Variants in TMTC1 observed in about 807,000 individuals in gnomAD.
The protein encoded by TMTC1 is protein O-mannosyl-transferase TMTC1.
In TMTC1, 73 loss-of-function variants were observed where a neutral mutation model predicts 104.8. The ratio of observed to expected loss-of-function variants is 0.70; its 90% CI spans 0.58 to 0.85. The LOEUF (loss-of-function observed/expected upper bound fraction) is 0.85, where lower values mean the gene tolerates loss of function less well. TMTC1 is among the 40% of genes least tolerant of loss of function. The pLI is 0.00. For synonymous variants in TMTC1, 434 were observed against 428.7 expected (o/e 1.01, Z -0.15); for missense variants, 1,035 against 1,096.1 (o/e 0.94, Z 0.79).
chr12:29,712,119 T>C (rs1347006133), intron 5 of TMTC1, among the ~76,000 whole-genome samples: 1 of 150,548 alleles, frequency 6.6e-6, no homozygotes, highest in Non-Finnish European at 1.5e-5. Context: ...TAACGCAAAC[T>C]TCCCCTCAAC....
At chr12:29,727,316 G>C (rs1006406720) in intron 5 of TMTC1, among the ~76,000 whole-genome samples, 3 of 152,222 alleles carry the variant, frequency 2.0e-5, no homozygotes, top group Admixed American at 2.0e-4. Flanking sequence ...CTCACAGAGA[G>C]AAAGTGTGGG....
intron 9 of TMTC1, among the ~76,000 whole-genome samples, chr12:29,565,253 C>T (rs1945479299): frequency 6.6e-6 from 1 of 152,114 alleles, no homozygotes; most frequent in Admixed American, 6.6e-5. Context: ...TGGATGAGGC[C>T]TACCCACATT....
intron 1 of TMTC1, among the ~76,000 whole-genome samples, chr12:29,770,692 G>A (rs1196890884): frequency 6.6e-6 from 1 of 152,134 alleles, no homozygotes; most frequent in Non-Finnish European, 1.5e-5. Flanking sequence ...GTGAATCTAA[G>A]CTTTAAGAAA....
chr12:29,531,569 A>T (rs1215430847), intron 11 of TMTC1, among the ~76,000 whole-genome samples: 4 of 152,164 alleles, frequency 2.6e-5, no homozygotes, highest in Non-Finnish European at 5.9e-5. Flanking sequence ...TATATAATCC[A>T]TGCAAGAGTA....
intron 5 of TMTC1, among the ~76,000 whole-genome samples, chr12:29,723,872 A>AG (rs1942307210): frequency 6.6e-6 from 1 of 152,226 alleles, no homozygotes; most frequent in Admixed American, 6.5e-5. Flanking sequence ...ATGGATAACA[A>AG]GAAAGAAAAG....
intron 5 of TMTC1, among the ~76,000 whole-genome samples, chr12:29,710,513 G>GAT (rs1241245824): frequency 7.0e-5 from 10 of 143,116 alleles, no homozygotes; most frequent in South Asian, 4.4e-4. Context: ...TTTAAAGAAG[G>GAT]ATATATATAT....
chr12:29,675,826 T>C (rs1054625952), intron 5 of TMTC1, among the ~76,000 whole-genome samples: 15 of 152,150 alleles, frequency 9.9e-5, no homozygotes, highest in Admixed American at 1.3e-4. Flanking sequence ...GTATTCTTAA[T>C]AGCATTGTTC....
In TMTC1 at chr12:29,664,026, A is replaced by C. The variant is rs563372594; in HGVS notation, c.939-30690T>G. Among the ~76,000 whole-genome samples, 4 of 151,586 alleles carry C rather than the reference A, an allele frequency of 2.6e-5. No homozygotes were observed. The South Asian group carries it at 8.3e-4, about 31-fold the overall frequency. ...AACGGTGAAACCCCGTCTCTACTAA[A>C]AATACAAAAAATTAGCCGGGCGTAG... On this transcript the variant is annotated intron_variant, in intron 5 of 17. Transcript: ENST00000539277.
chr12:29,700,416 G>A (rs928635332), intron 5 of TMTC1, among the ~76,000 whole-genome samples: 1 of 151,508 alleles, frequency 6.6e-6, no homozygotes, highest in African/African-American at 2.4e-5. Flanking sequence ...TTGTCCAGGC[G>A]GGTCTCAAAC....
intron 9 of TMTC1, among the ~76,000 whole-genome samples, chr12:29,558,392 C>A (rs563407400): frequency 6.6e-6 from 1 of 152,242 alleles, no homozygotes; most frequent in South Asian, 2.1e-4. Context: ...AGAAGAGGTT[C>A]CTATTAAAAG....
chr12:29,522,222 A>G (rs1201153962), intron 11 of TMTC1, among the ~76,000 whole-genome samples: 1 of 152,154 alleles, frequency 6.6e-6, no homozygotes, highest in Admixed American at 6.5e-5. Flanking sequence ...GTGTTTAGAT[A>G]TTTACATTGA....
intron 6 of TMTC1, among the ~76,000 whole-genome samples, chr12:29,620,224 A>G (rs1947094844): frequency 6.6e-6 from 1 of 152,174 alleles, no homozygotes. Flanking sequence ...GCCCTGGTCC[A>G]ACCACAGTTG....
chr12:29,606,999 C>T (rs979629692), intron 6 of TMTC1, among the ~76,000 whole-genome samples: 2 of 151,930 alleles, frequency 1.3e-5, no homozygotes, highest in African/African-American at 2.4e-5. Flanking sequence ...CACGGACACC[C>T]GTAGTGAGCA....
intron 5 of TMTC1, among the ~76,000 whole-genome samples, chr12:29,710,331 T>A (rs1253980302): frequency 6.6e-6 from 1 of 151,984 alleles, no homozygotes; most frequent in Non-Finnish European, 1.5e-5. Context: ...TGCATGCCAA[T>A]TAGTCTGCAG....
intron 5 of TMTC1, chr12:29,641,094 C>G (rs1439311683): frequency 6.6e-6 from 1 of 152,284 alleles, no homozygotes; most frequent in Non-Finnish European, 1.5e-5. Flanking sequence ...AAGACCCGCC[C>G]AAGGAGGGTC....
intron 1 of TMTC1, among the ~76,000 whole-genome samples, chr12:29,780,884 T>G (rs537183588): frequency 1.6e-4 from 24 of 152,352 alleles, no homozygotes; most frequent in African/African-American, 5.8e-4. Context: ...TCAAAGTTTT[T>G]GCTCAAACAA....
intron 1 of TMTC1, among the ~76,000 whole-genome samples, chr12:29,780,563 G>A (rs1943811186): frequency 6.6e-6 from 1 of 152,064 alleles, no homozygotes; most frequent in African/African-American, 2.4e-5. Flanking sequence ...AGGATCCTTG[G>A]GATGGAATTG....
At position 29,650,230 on chromosome 12, in the gene TMTC1, G is replaced by A. The variant is rs531491863; in HGVS notation, c.939-16894C>T. ...CTCCCGAGTAGCTGGGATTATAGACGTGCACCATGATGCCTGGCTAATGTT... is the reference window on the plus strand; with the variant it reads ...CTCCCGAGTAGCTGGGATTATAGACATGCACCATGATGCCTGGCTAATGTT... On this transcript the variant is annotated intron_variant, in intron 5 of 17. Transcript: ENST00000539277. 3.3e-5 allele frequency among the ~76,000 whole-genome samples: 5 copies of A among 151,808 alleles called. No homozygotes were observed. In the South Asian group the frequency reaches 6.3e-4, roughly 19 times the overall value.
intron 6 of TMTC1, among the ~76,000 whole-genome samples, chr12:29,615,428 A>C (rs1364570751): frequency 6.6e-6 from 1 of 152,220 alleles, no homozygotes; most frequent in Non-Finnish European, 1.5e-5. Flanking sequence ...AAATCATGTT[A>C]AGCAGGTGAA....
Sources: gnomAD v4.1 joint callset for allele counts (sites outside exome capture counted in the v4.1 genomes callset) on GRCh38, gnomAD v4.1.1 for gene constraint, MANE v1.5 for transcripts, NCBI Gene and HGNC (gene_info 2026-07-23, HGNC 2026-07-21) for gene names.